The following KIAA1217 variants were observed in gnomAD, a reference collection of about 807,000 sequenced individuals.
KIAA1217 encodes sickle tail protein homolog.
In KIAA1217, 88 loss-of-function variants were observed where a neutral mutation model predicts 163.9. The ratio of observed to expected loss-of-function variants is 0.54; its 90% CI spans 0.45 to 0.64. The LOEUF (loss-of-function observed/expected upper bound fraction) is 0.64, where lower values mean the gene tolerates loss of function less well. Ranked by LOEUF, KIAA1217 falls within the 30% of genes least tolerant of loss-of-function variation. The probability of loss-of-function intolerance (pLI) is 0.00; values close to 1 mark genes in which losing one functional copy is unlikely to be tolerated. For synonymous variants in KIAA1217, 903 were observed against 923.1 expected (o/e 0.98, Z 0.39); for missense variants, 2,372 against 2,475.0 (o/e 0.96, Z 0.88).
chr10:24,128,038 G>C (rs2063527221), intron 2 of KIAA1217, among the ~76,000 whole-genome samples: 1 of 152,212 alleles, frequency 6.6e-6, no homozygotes, highest in Non-Finnish European at 1.5e-5. Flanking sequence ...AATTATTTTA[G>C]ATTAAGTATC....
At chr10:23,726,420 T>A (rs944331380) in intron 1 of KIAA1217, among the ~76,000 whole-genome samples, 2 of 151,974 alleles carry the variant, frequency 1.3e-5, no homozygotes, top group Non-Finnish European at 2.9e-5. Flanking sequence ...GATTAAAGAC[T>A]TAAATGTTAG....
chr10:24,472,447 C>A (rs2063625788), intron 5 of KIAA1217, among the ~76,000 whole-genome samples: 1 of 152,188 alleles, frequency 6.6e-6, no homozygotes, highest in African/African-American at 2.4e-5. Flanking sequence ...TAGATTGTAT[C>A]CACTTTGAAA....
intron 5 of KIAA1217, among the ~76,000 whole-genome samples, chr10:24,465,565 A>G (rs2062852087): frequency 6.6e-6 from 1 of 152,172 alleles, no homozygotes; most frequent in Admixed American, 6.5e-5. Context: ...GTTCCTTGTC[A>G]CCGTATTCCC....
intron 2 of KIAA1217, among the ~76,000 whole-genome samples, chr10:24,190,551 A>T (rs987142512): frequency 6.6e-6 from 1 of 152,156 alleles, no homozygotes; most frequent in Admixed American, 6.5e-5. Flanking sequence ...CCACAGCAGG[A>T]TTGCCCTGGT....
rs188557145 is a variant in KIAA1217, at chr10:23,761,653, T to C, written c.-321+66419T>C. Among the ~76,000 whole-genome samples the C allele has an allele frequency of 6.9e-3, 1,053 of 152,332 alleles. 9 individuals carry two copies. Among genetic ancestry groups the C allele is most frequent in the Non-Finnish European group, 0.01 (696 of 68,028 alleles). On this transcript the variant is annotated intron_variant, in intron 1 of 18. Transcript: ENST00000376462. ...ATGATTTCACTTCTTTTGCATTTGC[T>C]GAGGAGTGTTTTACTTCCCACTATA...
At chr10:23,844,053 G>A (rs532015826) in intron 1 of KIAA1217, among the ~76,000 whole-genome samples, 1 of 152,152 alleles carries the variant, frequency 6.6e-6, no homozygotes, top group South Asian at 2.1e-4. Flanking sequence ...TAGCTACAAG[G>A]TATGAAAATG....
At chr10:24,194,259 C>A (rs949449028) in intron 2 of KIAA1217, among the ~76,000 whole-genome samples, 4 of 149,378 alleles carry the variant, frequency 2.7e-5, no homozygotes, top group Admixed American at 2.7e-4. Context: ...CCTTTCCCAC[C>A]AATCTTGGCC....
At chr10:24,393,003 TC>T (rs1451922543) in intron 3 of KIAA1217, among the ~76,000 whole-genome samples, 1 of 152,204 alleles carries the variant, frequency 6.6e-6, no homozygotes, top group African/African-American at 2.4e-5. Flanking sequence ...TCAGATATGA[TC>T]CTTTAGGTTT....
chr10:24,147,961 A>G (rs1483452716), intron 2 of KIAA1217, among the ~76,000 whole-genome samples: 4 of 151,884 alleles, frequency 2.6e-5, no homozygotes, highest in African/African-American at 9.7e-5. Flanking sequence ...AAAAGCTATT[A>G]CACTTAGTGC....
intron 1 of KIAA1217, among the ~76,000 whole-genome samples, chr10:23,862,215 T>C (rs1043102678): frequency 2.0e-5 from 3 of 152,192 alleles, no homozygotes; most frequent in Non-Finnish European, 4.4e-5. Flanking sequence ...TAGCTTCTTT[T>C]AATCCATAGT....
intron 2 of KIAA1217, among the ~76,000 whole-genome samples, chr10:24,159,852 C>T (rs1179384949): frequency 6.6e-6 from 1 of 152,118 alleles, no homozygotes; most frequent in Non-Finnish European, 1.5e-5. Flanking sequence ...GTCTATGATA[C>T]ATATTTAGGT....
chr10:24,026,742 A>ATTTTTTTTTTTTTTTTTT, intron 2 of KIAA1217, among the ~76,000 whole-genome samples: 2 of 70,084 alleles, frequency 2.9e-5, no homozygotes, highest in Non-Finnish European at 5.5e-5. Context: ...TATTTCATTG[A>ATTTTTTTTTTTTTTTTTT]TTTTTTTTTT....
intron 1 of KIAA1217, among the ~76,000 whole-genome samples, chr10:23,852,121 T>A (rs904645839): frequency 1.3e-5 from 2 of 152,148 alleles, no homozygotes; most frequent in Admixed American, 1.3e-4. Context: ...ATGCCTAGGT[T>A]TTCTTCTAGG....
intron 2 of KIAA1217, among the ~76,000 whole-genome samples, chr10:24,053,222 T>G (rs1849643240): frequency 6.6e-6 from 1 of 152,178 alleles, no homozygotes; most frequent in African/African-American, 2.4e-5. Context: ...TAATCCCTTC[T>G]TATATACCAT....
chr10:24,011,185 C>T (rs1423394889), intron 2 of KIAA1217, among the ~76,000 whole-genome samples: 1 of 152,056 alleles, frequency 6.6e-6, no homozygotes. Flanking sequence ...TAGGTATTTC[C>T]ATCTAAGAAA....
chr10:23,732,825 C>A (rs985951849), intron 1 of KIAA1217, among the ~76,000 whole-genome samples: 1 of 152,058 alleles, frequency 6.6e-6, no homozygotes, highest in Non-Finnish European at 1.5e-5. Flanking sequence ...AAATGAGATG[C>A]AAGTTTTTTA....
intron 2 of KIAA1217, among the ~76,000 whole-genome samples, chr10:24,074,371 A>C (rs2131636652): frequency 6.6e-6 from 1 of 151,828 alleles, no homozygotes; most frequent in East Asian, 1.9e-4. Flanking sequence ...ACAACAACAA[A>C]AACCAACAAC....
intron 2 of KIAA1217, among the ~76,000 whole-genome samples, chr10:24,120,498 T>C (rs2063240332): frequency 1.3e-5 from 2 of 152,242 alleles, no homozygotes. Flanking sequence ...GGCATAATGT[T>C]GCCCCTATAG....
chr10:24,203,477 G>A (rs2130539327), intron 2 of KIAA1217, among the ~76,000 whole-genome samples: 1 of 152,134 alleles, frequency 6.6e-6, no homozygotes, highest in Non-Finnish European at 1.5e-5. Flanking sequence ...GATGTTGGTG[G>A]GGGAAACAGG....
Sources: allele counts gnomAD v4.1 joint callset (sites outside exome capture counted in the v4.1 genomes callset), GRCh38; gene constraint gnomAD v4.1.1; transcripts MANE v1.5; gene names NCBI Gene and HGNC (gene_info 2026-07-23, HGNC 2026-07-21).